CNTNAP2: variants seen among roughly 807,000 people sequenced by gnomAD.
CNTNAP2 encodes the protein contactin associated protein 2.
CNTNAP2 carries 98 observed loss-of-function variants against 155.2 expected under a neutral mutation model. The ratio of observed to expected loss-of-function variants is 0.63; its 90% CI spans 0.54 to 0.75. The LOEUF is 0.75. Among genes scored for constraint, CNTNAP2 ranks in the 30% least tolerant of loss-of-function variants. CNTNAP2 has a pLI of 0.00. For missense variants in CNTNAP2, 1,727 were observed against 1,688.1 expected (o/e 1.02, Z -0.40); for synonymous variants, 651 against 631.2 (o/e 1.03, Z -0.47).
intron 9 of CNTNAP2, among the ~76,000 whole-genome samples, chr7:147,334,520 T>C (rs1795632503): frequency 6.6e-6 from 1 of 152,178 alleles, no homozygotes; most frequent in South Asian, 2.1e-4. Flanking sequence ...TAGAAATTGT[T>C]ATACAGTTGG....
chr7:147,241,348 C>T (rs1803933502), intron 8 of CNTNAP2, among the ~76,000 whole-genome samples: 1 of 152,088 alleles, frequency 6.6e-6, no homozygotes, highest in Non-Finnish European at 1.5e-5. Context: ...TTTTTCTCTG[C>T]CGGGCGCGGT....
At chr7:146,895,782 A>G (rs528174993) in intron 3 of CNTNAP2, among the ~76,000 whole-genome samples, 46 of 152,232 alleles carry the variant, frequency 3.0e-4, no homozygotes, top group African/African-American at 1.1e-3. Context: ...ATATCTCCAA[A>G]GTTAACTCAT....
At chr7:148,136,011 G>GGAAA (rs1804936374) in intron 16 of CNTNAP2, among the ~76,000 whole-genome samples, 1 of 53,080 alleles carries the variant, frequency 1.9e-5, no homozygotes, top group Admixed American at 2.1e-4. Flanking sequence ...AAGGAAGGAA[G>GGAAA]GAAGGAAGGG....
At chr7:147,675,996 T>C (rs150442693) in intron 13 of CNTNAP2, among the ~76,000 whole-genome samples, 83 of 152,224 alleles carry the variant, frequency 5.5e-4, no homozygotes, top group African/African-American at 1.9e-3. Context: ...TAAGATAATA[T>C]GTATAAAGCA....
In CNTNAP2 at chr7:148,125,687, GTGTA is replaced by G. The variant is rs760965021; in HGVS notation, c.2554+7401_2554+7404del. Among the ~76,000 whole-genome samples, 1,358 of 136,070 alleles carry G rather than the reference GTGTA, an allele frequency of 1.0e-2. 16 individuals are homozygous for G. The highest frequency in any genetic ancestry group is 0.027 in the African/African-American group (913 of 34,430). The allele number at this position is 136,070 out of a possible 152,430, so 89.3% of individuals were successfully genotyped here. On this transcript the variant is annotated intron_variant, in intron 16 of 23. Transcript: ENST00000361727. ...TGTGTGTGTGTGTGTGTGTGTGTGT[GTGTA>G]TATATATATAGTTTTTTTTTTTTTT...
intron 15 of CNTNAP2, among the ~76,000 whole-genome samples, chr7:148,039,927 A>C (rs1322015344): frequency 6.6e-6 from 1 of 152,238 alleles, no homozygotes; most frequent in African/African-American, 2.4e-5. Flanking sequence ...GAATTACTAA[A>C]TGGAAGCTTT....
At chr7:147,325,017 G>A (rs1383594808) in intron 9 of CNTNAP2, among the ~76,000 whole-genome samples, 1 of 152,116 alleles carries the variant, frequency 6.6e-6, no homozygotes, top group Non-Finnish European at 1.5e-5. Context: ...GAAAATAAAT[G>A]TATAGGCCTG....
intron 14 of CNTNAP2, among the ~76,000 whole-genome samples, chr7:147,910,803 T>C (rs1800051001): frequency 6.6e-6 from 1 of 152,174 alleles, no homozygotes; most frequent in Non-Finnish European, 1.5e-5. Flanking sequence ...CTCCACCTGG[T>C]CCCGCCCTTA....
chr7:147,167,746 G>A (rs1182587363), intron 8 of CNTNAP2, among the ~76,000 whole-genome samples: 2 of 152,194 alleles, frequency 1.3e-5, no homozygotes, highest in African/African-American at 2.4e-5. Context: ...GAATGTGGCA[G>A]TTTGAAAAAT....
chr7:146,451,185 A>G (rs1796475610), intron 1 of CNTNAP2, among the ~76,000 whole-genome samples: 1 of 152,150 alleles, frequency 6.6e-6, no homozygotes, highest in Non-Finnish European at 1.5e-5. Context: ...TGACCTCGTG[A>G]TCTGCCCACC....
intron 1 of CNTNAP2, among the ~76,000 whole-genome samples, chr7:146,179,708 A>G (rs889060966): frequency 1.3e-5 from 2 of 152,188 alleles, no homozygotes; most frequent in Non-Finnish European, 2.9e-5. Context: ...GCAGGATTTT[A>G]TAGTCTGAAG....
intron 10 of CNTNAP2, among the ~76,000 whole-genome samples, chr7:147,469,597 C>T (rs1260491657): frequency 6.8e-6 from 1 of 147,202 alleles, no homozygotes; most frequent in African/African-American, 2.5e-5. Flanking sequence ...CGGCTCACTG[C>T]AAGCTCCGCC....
intron 8 of CNTNAP2, among the ~76,000 whole-genome samples, chr7:147,256,306 G>A (rs1253614199): frequency 6.6e-6 from 1 of 152,152 alleles, no homozygotes; most frequent in Non-Finnish European, 1.5e-5. Flanking sequence ...GATGGACACT[G>A]TCTTTAGATT....
intron 1 of CNTNAP2, among the ~76,000 whole-genome samples, chr7:146,458,280 A>G (rs1240296243): frequency 6.6e-6 from 1 of 152,202 alleles, no homozygotes; most frequent in South Asian, 2.1e-4. Context: ...CATCCTACAC[A>G]TGTACCCTGG....
chr7:146,757,219 T>A (rs916838459), intron 1 of CNTNAP2, among the ~76,000 whole-genome samples: 5 of 152,150 alleles, frequency 3.3e-5, no homozygotes, highest in African/African-American at 1.2e-4. Flanking sequence ...TGAGCAGAGT[T>A]GGCAGCGTGT....
intron 11 of CNTNAP2, among the ~76,000 whole-genome samples, chr7:147,531,737 G>T (rs1004649208): frequency 6.6e-6 from 1 of 152,126 alleles, no homozygotes; most frequent in African/African-American, 2.4e-5. Flanking sequence ...ATAACATTAG[G>T]CTCCTTGCTG....
At chr7:147,690,969 G>A (rs1026290938) in intron 13 of CNTNAP2, among the ~76,000 whole-genome samples, 1 of 152,026 alleles carries the variant, frequency 6.6e-6, no homozygotes, top group East Asian at 1.9e-4. Flanking sequence ...TTTATATAGC[G>A]GTGAACTTGT....
chr7:147,123,946 G>C (rs1801173216), intron 6 of CNTNAP2, among the ~76,000 whole-genome samples: 2 of 152,168 alleles, frequency 1.3e-5, no homozygotes, highest in South Asian at 4.1e-4. Context: ...GGAGGCTGAG[G>C]CAGGAGAATC....
At chr7:146,594,588 A>T (rs1042811654) in intron 1 of CNTNAP2, among the ~76,000 whole-genome samples, 4 of 152,060 alleles carry the variant, frequency 2.6e-5, no homozygotes, top group Admixed American at 6.6e-5. Context: ...TTAGGAGGTG[A>T]TTTGTACACA....
Sources: allele counts gnomAD v4.1 joint callset (sites outside exome capture counted in the v4.1 genomes callset), GRCh38; gene constraint gnomAD v4.1.1; transcripts MANE v1.5; gene names NCBI Gene and HGNC (gene_info 2026-07-23, HGNC 2026-07-21).